Variants in TENM4 observed in about 807,000 individuals in gnomAD.
The protein encoded by TENM4 is teneurin-4.
Under a neutral mutation model 243.3 loss-of-function variants are expected in TENM4, and 82 were observed. The ratio of observed to expected loss-of-function variants is 0.34; its 90% confidence interval spans 0.28 to 0.40. The LOEUF (loss-of-function observed/expected upper bound fraction) is 0.40. TENM4 is among the 10% of genes least tolerant of loss of function. The pLI is 1.00. For missense variants in TENM4, 3,138 were observed against 3,673.3 expected (o/e 0.85, Z 3.77); for synonymous variants, 1,412 against 1,456.3 (o/e 0.97, Z 0.69).
intron 6 of TENM4, among the ~76,000 whole-genome samples, chr11:79,064,177 T>C: frequency 6.6e-6 from 1 of 152,178 alleles, no homozygotes; most frequent in South Asian, 2.1e-4. Context: ...CACCATGCTG[T>C]GCAATGGATT....
Position 79,031,822 on chromosome 11 carries a change from T to C in TENM4, c.493+32916A>G, listed in dbSNP as rs556311121. 3.9e-5 allele frequency among the ~76,000 whole-genome samples: 6 copies of C among 152,304 alleles called. No homozygotes were observed. The South Asian group carries it at 1.2e-3, about 32-fold the overall frequency. ...CATTGGTTCTTAACATGAGCAATTT[T>C]GCTATCCAGGGGGTCATAGAGCAAT... On this transcript the variant is annotated intron_variant, in intron 6 of 33. Coordinates refer to ENST00000278550, the MANE Select transcript of TENM4 (RefSeq NM_001098816.3).
At chr11:79,031,229 G>A (rs535509413) in intron 6 of TENM4, among the ~76,000 whole-genome samples, 2 of 152,294 alleles carry the variant, frequency 1.3e-5, no homozygotes, top group South Asian at 4.2e-4. Context: ...CTCAGCAAAG[G>A]CTCGCTGACT....
chr11:78,994,446 T>C (rs1263486904), intron 6 of TENM4, among the ~76,000 whole-genome samples: 2 of 152,240 alleles, frequency 1.3e-5, no homozygotes, highest in Non-Finnish European at 2.9e-5. Flanking sequence ...GATGGTTGTG[T>C]TCTATCTGAA....
chr11:79,031,015 A>G (rs978445129), intron 6 of TENM4, among the ~76,000 whole-genome samples: 21 of 152,004 alleles, frequency 1.4e-4, no homozygotes, highest in African/African-American at 5.1e-4. Flanking sequence ...AAAGGGACAT[A>G]TATGTGGGTG....
At chr11:79,010,528 G>A (rs1858617184) in intron 6 of TENM4, among the ~76,000 whole-genome samples, 1 of 152,096 alleles carries the variant, frequency 6.6e-6, no homozygotes, top group Non-Finnish European at 1.5e-5. Flanking sequence ...GAGGTTTAAT[G>A]GACTCACAGT....
intron 4 of TENM4, among the ~76,000 whole-genome samples, chr11:79,074,799 T>C (rs1467902747): frequency 6.6e-6 from 1 of 152,216 alleles, no homozygotes; most frequent in African/African-American, 2.4e-5. Context: ...CCTCTGTCCA[T>C]GCCTTCTCTG....
At chr11:79,277,995 G>A (rs1334735750) in intron 2 of TENM4, among the ~76,000 whole-genome samples, 1 of 152,152 alleles carries the variant, frequency 6.6e-6, no homozygotes, top group Non-Finnish European at 1.5e-5. Flanking sequence ...TCTACAAAGT[G>A]CAAAAGAACA....
intron 5 of TENM4, among the ~76,000 whole-genome samples, chr11:79,066,235 G>A (rs1032438135): frequency 1.3e-5 from 2 of 152,196 alleles, no homozygotes; most frequent in African/African-American, 4.8e-5. Context: ...ATATTGGGGT[G>A]AGGAGCTTAG....
intron 6 of TENM4, among the ~76,000 whole-genome samples, chr11:78,945,214 A>T (rs1856983450): frequency 6.6e-6 from 1 of 152,216 alleles, no homozygotes; most frequent in Admixed American, 6.5e-5. Flanking sequence ...AAGCAAGCCC[A>T]TTGGTGCCAT....
chr11:79,103,627 A>G (rs1861287542), intron 4 of TENM4, among the ~76,000 whole-genome samples: 1 of 152,252 alleles, frequency 6.6e-6, no homozygotes, highest in Non-Finnish European at 1.5e-5. Context: ...GAGACAAGAA[A>G]ACAAACAAAG....
At chr11:79,297,590 A>G (rs1032260783) in intron 1 of TENM4, 47 bp from the exon 2 acceptor site, 1 of 152,684 alleles carries the variant, frequency 6.5e-6, no homozygotes, top group Non-Finnish European at 1.5e-5. Context: ...AGATCGCTGG[A>G]CTAAAACGCA....
intron 6 of TENM4, among the ~76,000 whole-genome samples, chr11:78,991,062 T>C (rs1262558380): frequency 6.6e-6 from 1 of 152,168 alleles, no homozygotes; most frequent in Non-Finnish European, 1.5e-5. Flanking sequence ...ATTTCTCAGA[T>C]GGCGCATGGG....
At chr11:79,089,815 C>T (rs1050450992) in intron 4 of TENM4, among the ~76,000 whole-genome samples, 1 of 152,148 alleles carries the variant, frequency 6.6e-6, no homozygotes, top group African/African-American at 2.4e-5. Context: ...GCTGGGCTCC[C>T]ACTAGGTGTC....
At chr11:78,716,275 C>A (rs537128627) in intron 25 of TENM4, among the ~76,000 whole-genome samples, 3 of 152,170 alleles carry the variant, frequency 2.0e-5, no homozygotes, top group African/African-American at 7.2e-5. Flanking sequence ...TGAGGTTCAG[C>A]TTATCTGTAA....
chr11:79,279,483 A>G (rs1233246269), intron 2 of TENM4, among the ~76,000 whole-genome samples: 1 of 152,180 alleles, frequency 6.6e-6, no homozygotes, highest in Non-Finnish European at 1.5e-5. Context: ...ATAATTATGT[A>G]ATGAATTGAT....
intron 1 of TENM4, among the ~76,000 whole-genome samples, chr11:79,368,407 G>A (rs114565484): frequency 0.028 from 4,313 of 152,274 alleles, 198 homozygotes; most frequent in African/African-American, 0.098. Flanking sequence ...AATTAAATAC[G>A]CAGTAATGTC....
At chr11:79,103,976 T>C (rs1252308029) in intron 4 of TENM4, among the ~76,000 whole-genome samples, 4 of 152,192 alleles carry the variant, frequency 2.6e-5, no homozygotes, top group Non-Finnish European at 4.4e-5. Flanking sequence ...CTAATTCTCT[T>C]TCATCCAGGG....
chr11:79,053,484 T>C (rs997591533), intron 6 of TENM4, among the ~76,000 whole-genome samples: 1 of 152,210 alleles, frequency 6.6e-6, no homozygotes. Context: ...TTCAGAACCA[T>C]CTCCTGCTAT....
At chr11:78,861,959 C>T (rs1371345417) in intron 10 of TENM4, among the ~76,000 whole-genome samples, 10 of 152,112 alleles carry the variant, frequency 6.6e-5, no homozygotes, top group Admixed American at 5.9e-4. Context: ...TTTCTGGGTG[C>T]CAATTTTTGT....
Sources: allele counts gnomAD v4.1 joint callset (sites outside exome capture counted in the v4.1 genomes callset), GRCh38; gene constraint gnomAD v4.1.1; transcripts MANE v1.5; gene names NCBI Gene and HGNC (gene_info 2026-07-23, HGNC 2026-07-21).